Variants in CALD1 observed in about 807,000 individuals in gnomAD.
CALD1 encodes caldesmon 1, also known as caldesmon.
CALD1 carries 33 observed loss-of-function variants against 99.9 expected under a neutral mutation model. The ratio of observed to expected loss-of-function variants is 0.33; its 90% CI spans 0.25 to 0.44. The LOEUF is 0.44. CALD1 is among the 20% of genes least tolerant of loss of function. The probability of loss-of-function intolerance (pLI) is 1.00; values close to 1 mark genes in which losing one functional copy is unlikely to be tolerated. For synonymous variants in CALD1, 310 were observed against 325.0 expected (o/e 0.95, Z 0.50); for missense variants, 861 against 962.1 (o/e 0.89, Z 1.39).
At position 134,925,130 on chromosome 7, in the gene CALD1, A is replaced by G. The variant is rs1036905818; in HGVS notation, c.72-3624A>G. On this transcript the variant is annotated intron_variant, in intron 3 of 14. Transcript: ENST00000361675. ...GTGTATCCTAGAAAATGGGCTCCCA[A>G]TGGAGAATGATTGCCTATAAACTTT... 1.4e-4 allele frequency among the ~76,000 whole-genome samples: 22 copies of G among 152,160 alleles called. 1 individual carries two copies. Among genetic ancestry groups the G allele is most frequent in the Non-Finnish European group, 2.1e-4 (14 of 68,022 alleles).
At chr7:134,837,287 G>A (rs1318891931) in intron 1 of CALD1, among the ~76,000 whole-genome samples, 2 of 151,784 alleles carry the variant, frequency 1.3e-5, no homozygotes, top group Non-Finnish European at 1.5e-5. Context: ...TCAATACTAG[G>A]TACTTTATAT....
At chr7:134,797,577 A>G (rs193302433) in intron 1 of CALD1, among the ~76,000 whole-genome samples, 4 of 152,306 alleles carry the variant, frequency 2.6e-5, no homozygotes, top group Admixed American at 2.6e-4. Flanking sequence ...ACGAGCAATC[A>G]TGTGGGTGGG....
rs1808938017 is a variant in CALD1, at chr7:134,970,011, G to A, written c.*1666G>A. ...GAGCTAACCAGGGCAGGGCTGGCAT[G>A]AGAAGTGACATCTGCGTTACAAAGT... On this transcript the variant is annotated 3_prime_UTR_variant, in exon 15 of 15. Transcript: ENST00000361675. 1.3e-5 allele frequency: 2 copies of A among 152,376 alleles called. No homozygotes were observed. The highest frequency in any genetic ancestry group is 2.9e-5 in the Non-Finnish European group (2 of 68,044). 9.4% of individuals were successfully genotyped at this position (152,376 alleles called of 1,614,324 possible).
chr7:134,960,042 C>A lies in CALD1; in HGVS notation c.2130C>A (p.Arg710=). 2 of 1,614,116 alleles carry A rather than the reference C, an allele frequency of 1.2e-6. No homozygotes were observed. Among genetic ancestry groups the A allele is most frequent in the South Asian group, 1.1e-5 (1 of 91,082 alleles). ...TTCCTGTTCCTGCTGAAGGTGTACG[C>A]AACATCAAGAGTATGTGGGAGAAAG... ...SDLPVPAEGV[R]NIKSMWEKGN... Residue 710 remains arginine (R), a synonymous_variant, in exon 12 of 15, where the codon CGC becomes CGA. Coordinates refer to ENST00000361675, the MANE Select transcript of CALD1 (RefSeq NM_033138.4).
At position 134,783,768 on chromosome 7, in the gene CALD1, G is replaced by A. The variant is rs543099655; in HGVS notation, c.-130+4019G>A. 1.3e-5 allele frequency among the ~76,000 whole-genome samples: 2 copies of A among 152,272 alleles called. No homozygotes were observed. Among genetic ancestry groups the A allele is most frequent in the African/African-American group, 4.8e-5 (2 of 41,562 alleles). On this transcript the variant is annotated intron_variant, in intron 1 of 14. Transcript: ENST00000361675. This position sits in a 1 kb window ranked among gnomAD's most constrained non-coding sequence, Gnocchi z 4.3. ...TAAGATGGGGAGTGGGGTCAGATCT[G>A]GATTCCCATAGAAGACAAGGGTGGA...
At chr7:134,932,274 G>A (rs182213572) in intron 4 of CALD1, among the ~76,000 whole-genome samples, 1 of 152,268 alleles carries the variant, frequency 6.6e-6, no homozygotes, top group Non-Finnish European at 1.5e-5. Context: ...CTCTTCCATT[G>A]GGGTCACTGG....
intron 9 of CALD1, among the ~76,000 whole-genome samples, chr7:134,955,837 T>C (rs1002506697): frequency 2.0e-5 from 3 of 152,206 alleles, no homozygotes; most frequent in African/African-American, 7.2e-5. Flanking sequence ...GTACTGAGTA[T>C]ATTATTTATT....
At chr7:134,856,290 T>A (rs1419310547) in intron 2 of CALD1, among the ~76,000 whole-genome samples, 7 of 152,148 alleles carry the variant, frequency 4.6e-5, no homozygotes, top group African/African-American at 1.4e-4. Flanking sequence ...GGAATGCCCA[T>A]GGCAACCTCA....
At chr7:134,779,596 G>C (rs1797024003), upstream of CALD1, 1 of 398,304 alleles carries the variant, frequency 2.5e-6, no homozygotes, top group South Asian at 1.3e-4. Flanking sequence ...TCTGGGAGGG[G>C]CCAAGGAAGG....
chr7:134,760,255 A>G (rs1265600365), intron 1 of CALD1, among the ~76,000 whole-genome samples: 1 of 152,236 alleles, frequency 6.6e-6, no homozygotes, highest in Non-Finnish European at 1.5e-5. Flanking sequence ...ATAGGGAGGT[A>G]GCATAACCCC....
chr7:134,891,665 G>C, intron 3 of CALD1: 1 of 1,602,588 alleles, frequency 6.2e-7, no homozygotes, highest in Non-Finnish European at 8.5e-7. Context: ...GCCTGGCCGC[G>C]CTCTCCCAGT....
chr7:134,841,234 T>C (rs2132145730), intron 1 of CALD1, among the ~76,000 whole-genome samples: 1 of 152,338 alleles, frequency 6.6e-6, no homozygotes, highest in East Asian at 1.9e-4. Flanking sequence ...TTAGTATTTA[T>C]TTAAATGACC....
chr7:134,773,105 T>C (rs1384236846), intron 1 of CALD1, among the ~76,000 whole-genome samples: 1 of 152,244 alleles, frequency 6.6e-6, no homozygotes, highest in Non-Finnish European at 1.5e-5. Context: ...CTTGTATCCT[T>C]TAGTTTTCAA....
At chr7:134,851,665 C>T (rs533723642) in intron 2 of CALD1, among the ~76,000 whole-genome samples, 14 of 152,278 alleles carry the variant, frequency 9.2e-5, no homozygotes, top group Admixed American at 8.5e-4. Context: ...GTCATCCATG[C>T]TTAGCCACCC....
At chr7:134,848,460 A>G (rs1799943606) in intron 2 of CALD1, among the ~76,000 whole-genome samples, 1 of 152,200 alleles carries the variant, frequency 6.6e-6, no homozygotes, top group Non-Finnish European at 1.5e-5. Flanking sequence ...ATTTGGCTGA[A>G]AACACTTTGC....
At position 134,909,495 on chromosome 7, in the gene CALD1, C is replaced by T. The variant is rs533063066; in HGVS notation, c.72-19259C>T. Among the ~76,000 whole-genome samples the T allele has an allele frequency of 1.2e-4, 18 of 152,302 alleles. No homozygotes were observed. The South Asian group carries it at 3.7e-3, about 32-fold the overall frequency. On this transcript the variant is annotated intron_variant, in intron 3 of 14. Transcript: ENST00000361675. ...GTCAGGAGTTCGAGACCAGCCTGGC[C>T]AACACAGTGAAACCCTGTCTCTACT...
chr7:134,924,921 T>C (rs1385687020), intron 3 of CALD1, among the ~76,000 whole-genome samples: 1 of 152,180 alleles, frequency 6.6e-6, no homozygotes, highest in Admixed American at 6.5e-5. Flanking sequence ...TTGGCGCTTC[T>C]TCCTGCCACC....
rs1351240621 is a variant in CALD1 at position 134,960,122 on chromosome 7, G to A, written c.2199+11G>A. ...GGCACACCAAATAAGGTGAGCATCT[G>A]ATTTTTGTCTCTTAAGTGTAGAGGG... On this transcript the variant is annotated intron_variant, in intron 12 of 14. Transcript: ENST00000361675. 1 of 1,613,928 alleles carries A rather than the reference G, an allele frequency of 6.2e-7. No homozygotes were observed. Among genetic ancestry groups the A allele is most frequent in the Non-Finnish European group, 8.5e-7 (1 of 1,179,944 alleles).
At chr7:134,742,148 T>C (rs1305943725), upstream of CALD1, among the ~76,000 whole-genome samples, 1 of 152,152 alleles carries the variant, frequency 6.6e-6, no homozygotes, top group Non-Finnish European at 1.5e-5. Context: ...CATTGTTAAA[T>C]TTCAAAAGTC....
Sources: allele counts gnomAD v4.1 joint callset (sites outside exome capture counted in the v4.1 genomes callset), GRCh38; gene constraint gnomAD v4.1.1; non-coding constraint Gnocchi (gnomAD v3.1); transcripts MANE v1.5; gene names NCBI Gene and HGNC (gene_info 2026-07-23, HGNC 2026-07-21).